Variants in RPS6KC1 observed in about 807,000 individuals in gnomAD.
RPS6KC1 encodes the protein inactive ribosomal protein S6 kinase delta-1.
A neutral mutation model predicts 103.8 loss-of-function variants in RPS6KC1; 54 were observed. The observed-to-expected ratio is 0.52, with a 90% CI of 0.42 to 0.65. The LOEUF is 0.65. Ranked by LOEUF, RPS6KC1 falls within the 30% of genes least tolerant of loss-of-function variation. RPS6KC1 has a pLI of 0.00. For missense variants in RPS6KC1, 1,151 were observed against 1,253.8 expected, an observed-to-expected ratio of 0.92 and a Z score of 1.24; for synonymous variants, 439 against 438.7, an observed-to-expected ratio of 1.00 and a Z score of -0.01.
the RPS6KC1 span, among the ~76,000 whole-genome samples, chr1:213,599,909 G>A: frequency 6.6e-6 from 1 of 152,150 alleles, no homozygotes; most frequent in African/African-American, 2.4e-5. Context: ...GTTTGGCTCT[G>A]TGTCCCCAAT....
the RPS6KC1 span, among the ~76,000 whole-genome samples, chr1:213,797,023 A>G: frequency 1.3e-5 from 2 of 152,222 alleles, no homozygotes; most frequent in African/African-American, 4.8e-5. Flanking sequence ...ATGACTGTTA[A>G]TTGGATGCAA....
chr1:213,056,036 A>G (rs1476707722), intron 1 of RPS6KC1, among the ~76,000 whole-genome samples: 3 of 152,094 alleles, frequency 2.0e-5, no homozygotes, highest in Non-Finnish European at 4.4e-5. Flanking sequence ...ATTGCCTGGG[A>G]TTGTGGGCAC....
At chr1:213,324,436 G>T in the RPS6KC1 span, among the ~76,000 whole-genome samples, 3 of 152,098 alleles carry the variant, frequency 2.0e-5, no homozygotes, top group African/African-American at 7.2e-5. Context: ...TCTCAAGATG[G>T]AAAGTCCTTG....
the RPS6KC1 span, among the ~76,000 whole-genome samples, chr1:213,796,377 G>A: frequency 6.6e-6 from 1 of 152,012 alleles, no homozygotes; most frequent in African/African-American, 2.4e-5. Flanking sequence ...TTGATACCCC[G>A]GTACCAGACA....
At chr1:213,258,789 A>G (rs776902558) in intron 12 of RPS6KC1, among the ~76,000 whole-genome samples, 15 of 152,218 alleles carry the variant, frequency 9.9e-5, no homozygotes, top group Non-Finnish European at 2.2e-4. Context: ...TAACATTTCT[A>G]ATAACACACA....
At chr1:213,446,759 G>A in the RPS6KC1 span, among the ~76,000 whole-genome samples, 14 of 152,260 alleles carry the variant, frequency 9.2e-5, no homozygotes, top group East Asian at 1.5e-3. Context: ...GCACTGATTC[G>A]TTATTACTAC....
chr1:213,362,426 T>C, the RPS6KC1 span, among the ~76,000 whole-genome samples: 55 of 152,310 alleles, frequency 3.6e-4, no homozygotes, highest in African/African-American at 1.3e-3. Flanking sequence ...TTATATCTCA[T>C]TAATTCTATG....
At chr1:213,662,199 TCTCAGGTGCTTAGCCTGTGTGCCTAGA>T in the RPS6KC1 span, among the ~76,000 whole-genome samples, 1 of 145,044 alleles carries the variant, frequency 6.9e-6, no homozygotes, top group South Asian at 2.3e-4. Context: ...AAAAGATAGC[TCTCAGGTGCTTAGCCTGTGTGCCTAGA>T]AAAAAAAAAA....
At chr1:213,293,774 A>T in the RPS6KC1 span, among the ~76,000 whole-genome samples, 1 of 151,842 alleles carries the variant, frequency 6.6e-6, no homozygotes, top group African/African-American at 2.4e-5. Context: ...TTCTTGGAAA[A>T]TATCAAATTT....
chr1:213,395,834 T>C, the RPS6KC1 span, among the ~76,000 whole-genome samples: 2 of 152,118 alleles, frequency 1.3e-5, no homozygotes, highest in Admixed American at 6.5e-5. Flanking sequence ...ACATGGTAAA[T>C]AGCAGTGACA....
At chr1:213,231,183 T>C (rs2094096398) in intron 9 of RPS6KC1, among the ~76,000 whole-genome samples, 1 of 152,200 alleles carries the variant, frequency 6.6e-6, no homozygotes, top group African/African-American at 2.4e-5. Flanking sequence ...TCAAGAACAT[T>C]TTGTTTAATT....
the RPS6KC1 span, among the ~76,000 whole-genome samples, chr1:213,629,460 T>G: frequency 3.3e-5 from 5 of 152,196 alleles, no homozygotes; most frequent in Admixed American, 6.5e-5. Context: ...ATCCCTTTAT[T>G]TTGAGCCTAT....
At chr1:213,656,584 A>G in the RPS6KC1 span, among the ~76,000 whole-genome samples, 1 of 152,168 alleles carries the variant, frequency 6.6e-6, no homozygotes. Flanking sequence ...ACTGAAGACA[A>G]GGGAAAGGAC....
intron 7 of RPS6KC1, among the ~76,000 whole-genome samples, chr1:213,168,665 C>A (rs2148189137): frequency 6.6e-6 from 1 of 152,172 alleles, no homozygotes; most frequent in East Asian, 1.9e-4. Flanking sequence ...CTCTGTCCCC[C>A]AGACTGGAGT....
chr1:213,302,358 AC>A, the RPS6KC1 span, among the ~76,000 whole-genome samples: 2 of 152,092 alleles, frequency 1.3e-5, no homozygotes, highest in Non-Finnish European at 2.9e-5. Context: ...AGTGAAAGAG[AC>A]CTGAGAAGTT....
chr1:213,181,255 C>T (rs919381053), intron 8 of RPS6KC1, among the ~76,000 whole-genome samples: 9 of 152,298 alleles, frequency 5.9e-5, no homozygotes, highest in African/African-American at 1.9e-4. Context: ...ATATCTGGAT[C>T]GCCCAAATTT....
intron 10 of RPS6KC1, among the ~76,000 whole-genome samples, chr1:213,239,743 A>G (rs950083366): frequency 3.3e-5 from 5 of 152,156 alleles, no homozygotes; most frequent in African/African-American, 1.2e-4. Context: ...GTCTCCGCAA[A>G]GTATACTTCT....
intron 8 of RPS6KC1, among the ~76,000 whole-genome samples, chr1:213,195,556 A>G (rs866850752): frequency 3.3e-5 from 5 of 152,204 alleles, no homozygotes; most frequent in African/African-American, 9.6e-5. Context: ...TGGTGCATCT[A>G]TCACCTGAGC....
intron 3 of RPS6KC1, among the ~76,000 whole-genome samples, chr1:213,097,699 C>T (rs1215883450): frequency 1.3e-5 from 2 of 152,210 alleles, no homozygotes; most frequent in Non-Finnish European, 2.9e-5. Context: ...CATTAAAAAT[C>T]TGTTCTTTAG....
Sources: allele counts gnomAD v4.1 joint callset (sites outside exome capture counted in the v4.1 genomes callset), GRCh38; gene constraint gnomAD v4.1.1; transcripts MANE v1.5; gene names NCBI Gene and HGNC (gene_info 2026-07-23, HGNC 2026-07-21).